The following NPAS3 variants were observed in gnomAD, a reference collection of about 807,000 sequenced individuals.
NPAS3 encodes the protein neuronal PAS domain-containing protein 3.
A neutral mutation model predicts 73.1 loss-of-function variants in NPAS3; 14 were observed. The ratio of observed to expected loss-of-function variants is 0.19; its 90% CI spans 0.13 to 0.30. NPAS3 has a LOEUF of 0.30. Among genes scored for constraint, NPAS3 ranks in the 10% least tolerant of loss-of-function variants. NPAS3 has a pLI of 1.00. For missense variants in NPAS3, 1,096 were observed against 1,250.0 expected (o/e 0.88, Z 1.86); for synonymous variants, 620 against 541.5 (o/e 1.14, Z -2.01).
At chr14:33,177,228 C>G (rs571178354) in intron 2 of NPAS3, among the ~76,000 whole-genome samples, 2 of 151,792 alleles carry the variant, frequency 1.3e-5, no homozygotes, top group African/African-American at 4.8e-5. Flanking sequence ...TCCCAAGTAG[C>G]TGGGACCACA....
chr14:33,610,901 C>T (rs1212634526), intron 5 of NPAS3: 4 of 152,188 alleles, frequency 2.6e-5, no homozygotes, highest in Non-Finnish European at 4.4e-5. Context: ...GAATTTAAGG[C>T]AACAGAACAC....
intron 5 of NPAS3, among the ~76,000 whole-genome samples, chr14:33,592,766 C>T (rs1209862563): frequency 6.6e-6 from 1 of 152,178 alleles, no homozygotes; most frequent in East Asian, 1.9e-4. Context: ...CTTTAAGGCT[C>T]TTTTTAGTAA....
intron 4 of NPAS3, among the ~76,000 whole-genome samples, chr14:33,475,443 A>G (rs1033870769): frequency 1.3e-4 from 20 of 151,758 alleles, no homozygotes; most frequent in African/African-American, 4.1e-4. Flanking sequence ...CTTAGAGAAC[A>G]TCTGTTGAGT....
chr14:33,060,348 G>A (rs1236929281), intron 2 of NPAS3, among the ~76,000 whole-genome samples: 1 of 152,182 alleles, frequency 6.6e-6, no homozygotes, highest in African/African-American at 2.4e-5. Flanking sequence ...AAAAGATGGA[G>A]TGAGTCTGAG....
downstream of NPAS3, chr14:33,801,302 C>A: frequency 8.3e-7 from 1 of 1,210,166 alleles, no homozygotes; most frequent in Non-Finnish European, 1.1e-6. Context: ...TATTTTTTGC[C>A]TTCAGAGGGT....
chr14:33,388,257 G>A (rs1197197942), intron 4 of NPAS3, among the ~76,000 whole-genome samples: 1 of 152,194 alleles, frequency 6.6e-6, no homozygotes, highest in East Asian at 1.9e-4. Context: ...TTCTGTGCCA[G>A]CATGGAGCTA....
chr14:33,285,531 C>T (rs950628979), intron 3 of NPAS3, among the ~76,000 whole-genome samples: 2 of 152,190 alleles, frequency 1.3e-5, no homozygotes, highest in South Asian at 4.1e-4. Flanking sequence ...CTGTTACACT[C>T]AATTCCTCTC....
chr14:33,678,991 C>CTCTCCTTTAAAGGTACTCTA (rs1243267937), intron 6 of NPAS3, among the ~76,000 whole-genome samples: 1 of 152,160 alleles, frequency 6.6e-6, no homozygotes, highest in Non-Finnish European at 1.5e-5. Context: ...ACTGTTAACT[C>CTCTCCTTTAAAGGTACTCTA]TCTCCTTTAA....
intron 1 of NPAS3, among the ~76,000 whole-genome samples, chr14:32,981,673 A>T (rs1421328539): frequency 1.3e-5 from 2 of 152,214 alleles, no homozygotes; most frequent in Non-Finnish European, 2.9e-5. Flanking sequence ...GCCGAAAAAG[A>T]TTCCTTAATG....
At chr14:33,254,892 T>C (rs992722233) in intron 3 of NPAS3, among the ~76,000 whole-genome samples, 8 of 152,048 alleles carry the variant, frequency 5.3e-5, no homozygotes, top group African/African-American at 1.9e-4. Flanking sequence ...TGAAAATCTA[T>C]GGAAATATAT....
In NPAS3 at chr14:33,447,587, G is replaced by C. The variant is rs74831959; in HGVS notation, c.468+80319G>C. Among the ~76,000 whole-genome samples the C allele has an allele frequency of 2.3e-3, 354 of 152,292 alleles. 3 individuals are homozygous for C. The highest frequency in any genetic ancestry group is 0.01 in the Middle Eastern group (3 of 294). Reference sequence around the variant, plus strand: ...ACCACTATGGAAAGAAGAGAAAATAGTGAGGGCCTAAAACTAAGGTAGCAG... The same window carrying C: ...ACCACTATGGAAAGAAGAGAAAATACTGAGGGCCTAAAACTAAGGTAGCAG... On this transcript the variant is annotated intron_variant, in intron 4 of 11. Coordinates refer to ENST00000356141, the Ensembl canonical transcript of NPAS3.
intron 4 of NPAS3, among the ~76,000 whole-genome samples, chr14:33,474,807 T>C (rs1468794822): frequency 6.6e-6 from 1 of 152,146 alleles, no homozygotes. Flanking sequence ...AATTGTGGTG[T>C]CAATAATAAA....
intron 5 of NPAS3, among the ~76,000 whole-genome samples, chr14:33,663,389 A>G (rs2059364518): frequency 1.3e-5 from 2 of 151,858 alleles, no homozygotes; most frequent in Admixed American, 6.6e-5. Flanking sequence ...CGTATGTTGA[A>G]CCAGCCTTGC....
intron 5 of NPAS3, among the ~76,000 whole-genome samples, chr14:33,662,046 T>C (rs1427340011): frequency 6.6e-6 from 1 of 152,208 alleles, no homozygotes; most frequent in African/African-American, 2.4e-5. Flanking sequence ...CACAACACTA[T>C]AGGTGATTTT....
intron 5 of NPAS3, among the ~76,000 whole-genome samples, chr14:33,610,032 T>A (rs1029325450): frequency 6.6e-6 from 1 of 152,202 alleles, no homozygotes; most frequent in Non-Finnish European, 1.5e-5. Flanking sequence ...ATCTTTTAAG[T>A]CATTTTCTGA....
chr14:33,472,049 G>A (rs2050809786), intron 4 of NPAS3, among the ~76,000 whole-genome samples: 1 of 152,214 alleles, frequency 6.6e-6, no homozygotes, highest in African/African-American at 2.4e-5. Context: ...CATGGAGCTT[G>A]TATTCTAGCT....
At chr14:33,299,477 CCTGAG>C (rs1005332623) in intron 3 of NPAS3, among the ~76,000 whole-genome samples, 24 of 152,062 alleles carry the variant, frequency 1.6e-4, no homozygotes, top group Non-Finnish European at 1.9e-4. Flanking sequence ...CCTCATAGAG[CCTGAG>C]CTTGACTTGA....
intron 2 of NPAS3, among the ~76,000 whole-genome samples, chr14:33,198,067 C>T (rs901135517): frequency 1.0e-5 from 1 of 95,870 alleles, no homozygotes; most frequent in Non-Finnish European, 2.3e-5. Flanking sequence ...GTTGTTTGTT[C>T]CTCCCGTCCA....
intron 3 of NPAS3, among the ~76,000 whole-genome samples, chr14:33,292,406 A>G (rs1178514796): frequency 6.6e-6 from 1 of 152,178 alleles, no homozygotes; most frequent in Non-Finnish European, 1.5e-5. Flanking sequence ...AACTCCCTTC[A>G]GTTGGCAGGT....
Sources: gnomAD v4.1 joint callset for allele counts (sites outside exome capture counted in the v4.1 genomes callset) on GRCh38, gnomAD v4.1.1 for gene constraint, MANE v1.5 for transcripts, NCBI Gene and HGNC (gene_info 2026-07-23, HGNC 2026-07-21) for gene names.